Variants in PTCHD4 observed in about 807,000 individuals in gnomAD.
The protein encoded by PTCHD4 is patched domain containing 4, also known as patched domain-containing protein 4.
In PTCHD4, 33 loss-of-function variants were observed where a neutral mutation model predicts 58.1. That is an observed-to-expected ratio of 0.57 (90% confidence interval 0.43 to 0.76). PTCHD4 has a LOEUF of 0.76. PTCHD4 is among the 30% of genes least tolerant of loss of function. The pLI is 0.00. For missense variants in PTCHD4, 1,058 were observed against 1,027.1 expected (o/e 1.03, Z -0.41); for synonymous variants, 478 against 409.6 (o/e 1.17, Z -2.02).
At position 48,008,559 on chromosome 6, in the gene PTCHD4, A is replaced by G. The variant is rs561805594; in HGVS notation, c.898+75T>C. 553 of 1,478,112 alleles carry G rather than the reference A, an allele frequency of 3.7e-4. 9 individuals carry two copies. The South Asian group carries it at 7.0e-3, about 19-fold the overall frequency. The allele number at this position is 1,478,112 out of a possible 1,614,324, so 91.6% of individuals were successfully genotyped here. ...CAATGCAAAATTAAAACAGATTTCC[A>G]CCTGAGAATTCAAGAAATATACTAC... On this transcript the variant is annotated intron_variant, in intron 4 of 4. Transcript: ENST00000339488.
intron 1 of PTCHD4, among the ~76,000 whole-genome samples, chr6:48,070,218 T>G (rs1219242079): frequency 6.6e-6 from 1 of 152,098 alleles, no homozygotes; most frequent in Non-Finnish European, 1.5e-5. Flanking sequence ...GGAGATTTGC[T>G]TTCCAAAGTT....
rs200902378 is a variant in PTCHD4, at chr6:48,098,340, TTC to T, written c.-970+12707_-970+12708del. ...TCTTTTCTTCTTCTTCTTCTTCTTC[TTC>T]TTTTTTTTTTTTTTGAGAGAGAGTC... On this transcript the variant is annotated intron_variant, in intron 1 of 4. Coordinates refer to ENST00000339488, the MANE Select transcript of PTCHD4 (RefSeq NM_001384253.1). Among the ~76,000 whole-genome samples the T allele has an allele frequency of 4.6e-3, 673 of 147,104 alleles. 2 individuals carry two copies. The highest frequency in any genetic ancestry group is 0.018 in the South Asian group (80 of 4,508).
intron 4 of PTCHD4, among the ~76,000 whole-genome samples, chr6:47,925,551 G>A (rs1050459851): frequency 3.9e-5 from 6 of 152,150 alleles, no homozygotes; most frequent in Non-Finnish European, 5.9e-5. Flanking sequence ...CAGAGGACCT[G>A]ACAGATTTCT....
chr6:47,884,059 ATTTG>A (rs5876038), intron 4 of PTCHD4, among the ~76,000 whole-genome samples: 99,062 of 151,278 alleles, frequency 0.65, 33,056 homozygotes, highest in East Asian at 0.78. Context: ...TATTCCAGTC[ATTTG>A]TTTATTTATC....
intron 4 of PTCHD4, among the ~76,000 whole-genome samples, chr6:47,934,580 G>C (rs531562291): frequency 6.6e-6 from 1 of 152,178 alleles, no homozygotes; most frequent in South Asian, 2.1e-4. Flanking sequence ...AGTTAAATTT[G>C]ACCAGTGTGA....
intron 1 of PTCHD4, among the ~76,000 whole-genome samples, chr6:48,093,122 T>A (rs994803518): frequency 1.3e-5 from 2 of 152,208 alleles, no homozygotes; most frequent in African/African-American, 4.8e-5. Context: ...AAACCTTTCA[T>A]CTTTGAGTCT....
chr6:47,891,078 T>C (rs1764364923), intron 4 of PTCHD4, among the ~76,000 whole-genome samples: 1 of 147,904 alleles, frequency 6.8e-6, no homozygotes, highest in Admixed American at 6.8e-5. Flanking sequence ...AAAAATTAAC[T>C]GAGTGTGGTG....
chr6:48,065,003 AT>A (rs1411390861), intron 3 of PTCHD4, among the ~76,000 whole-genome samples: 2 of 152,238 alleles, frequency 1.3e-5, no homozygotes, highest in East Asian at 3.9e-4. Flanking sequence ...CTAAGCCTCT[AT>A]TTGGAATTCC....
At chr6:47,965,036 T>C (rs573625086) in intron 4 of PTCHD4, among the ~76,000 whole-genome samples, 47 of 152,322 alleles carry the variant, frequency 3.1e-4, no homozygotes, top group Admixed American at 1.6e-3. Context: ...TCCTGCCAGT[T>C]GTTATTTGGA....
intron 4 of PTCHD4, among the ~76,000 whole-genome samples, chr6:47,978,237 G>A (rs1328962490): frequency 6.6e-6 from 1 of 151,762 alleles, no homozygotes; most frequent in Non-Finnish European, 1.5e-5. Context: ...GTGTCCTTCT[G>A]ATTCTTTCCA....
At chr6:47,897,770 C>G (rs966748031) in intron 4 of PTCHD4, among the ~76,000 whole-genome samples, 2 of 152,016 alleles carry the variant, frequency 1.3e-5, no homozygotes, top group Non-Finnish European at 2.9e-5. Flanking sequence ...AAAAGCCTAG[C>G]AAGGAGGAGA....
chr6:48,017,439 AAAG>A (rs780495143), intron 3 of PTCHD4, among the ~76,000 whole-genome samples: 17 of 152,322 alleles, frequency 1.1e-4, no homozygotes, highest in South Asian at 1.0e-3. Flanking sequence ...CATGTTTTTC[AAAG>A]AAGAAGATTA....
At chr6:48,083,678 G>T (rs1765207672) in intron 1 of PTCHD4, among the ~76,000 whole-genome samples, 1 of 152,132 alleles carries the variant, frequency 6.6e-6, no homozygotes, top group South Asian at 2.1e-4. Context: ...AGCATGAGAG[G>T]CACTTAACCT....
intron 4 of PTCHD4, among the ~76,000 whole-genome samples, chr6:47,977,272 C>T (rs1199677182): frequency 6.6e-6 from 1 of 152,216 alleles, no homozygotes; most frequent in Admixed American, 6.5e-5. Flanking sequence ...TAGTGACTCA[C>T]TTCTAATAAA....
In PTCHD4 at chr6:48,054,784, T is replaced by C. The variant is rs572047307; in HGVS notation, c.417+13446A>G. On this transcript the variant is annotated intron_variant, in intron 3 of 4. Transcript: ENST00000339488. Reference sequence around the variant, plus strand: ...AACCGTGTATTTTATAGTTAAAGGCTGGAAATAATTTTTTTATAGAATTAG... The same window carrying C: ...AACCGTGTATTTTATAGTTAAAGGCCGGAAATAATTTTTTTATAGAATTAG... Among the ~76,000 whole-genome samples, 3 of 152,252 alleles carry C rather than the reference T, an allele frequency of 2.0e-5. No homozygotes were observed. The East Asian group carries it at 5.8e-4, about 29-fold the overall frequency.
rs765824587 is a variant in PTCHD4, at chr6:48,009,129, A to G, written c.418-15T>C. ...TTCCTCCCATCCTTGAAAACAGAAA[A>G]AGAAGAGACTTCAGTTACGGATGTA... On this transcript the variant is annotated splice_polypyrimidine_tract_variant and intron_variant, in intron 3 of 4. Coordinates refer to ENST00000339488, the MANE Select transcript of PTCHD4 (RefSeq NM_001384253.1). The G allele has an allele frequency of 1.3e-6, 2 of 1,585,470 alleles. No individual in the cohort carries two copies. The highest frequency in any genetic ancestry group is 1.7e-6 in the Non-Finnish European group (2 of 1,166,446).
chr6:47,960,068 A>G (rs1450740417), intron 4 of PTCHD4, among the ~76,000 whole-genome samples: 3 of 152,136 alleles, frequency 2.0e-5, no homozygotes, highest in African/African-American at 7.2e-5. Flanking sequence ...AACAATGACA[A>G]GACCAACAAG....
At chr6:48,078,317 A>G (rs1010201092) in intron 1 of PTCHD4, among the ~76,000 whole-genome samples, 7 of 152,208 alleles carry the variant, frequency 4.6e-5, no homozygotes, top group Non-Finnish European at 1.0e-4. Context: ...GGAGTGGCCC[A>G]CCACTCAAGA....
intron 3 of PTCHD4, among the ~76,000 whole-genome samples, chr6:48,022,039 T>C (rs776439044): frequency 5.9e-5 from 9 of 152,138 alleles, no homozygotes; most frequent in East Asian, 3.9e-4. Flanking sequence ...GTGAAGTTAG[T>C]TGTGTCTTAA....
Sources: allele counts gnomAD v4.1 joint callset (sites outside exome capture counted in the v4.1 genomes callset), GRCh38; gene constraint gnomAD v4.1.1; transcripts MANE v1.5; gene names NCBI Gene and HGNC (gene_info 2026-07-23, HGNC 2026-07-21).